Variants in PALM observed in about 807,000 individuals in gnomAD.
The protein encoded by PALM is paralemmin.
Under a neutral mutation model 30.7 loss-of-function variants are expected in PALM, and 18 were observed. The observed-to-expected ratio is 0.59, with a 90% CI of 0.41 to 0.87. The LOEUF (loss-of-function observed/expected upper bound fraction) is 0.87. Among genes scored for constraint, PALM ranks in the 40% least tolerant of loss-of-function variants. The pLI is 0.00. For synonymous variants in PALM, 286 were observed against 242.8 expected (o/e 1.18, Z -1.66); for missense variants, 529 against 555.4 (o/e 0.95, Z 0.48).
intron 1 of PALM, chr19:719,609 CTGAGCT>C: frequency 1.2e-5 from 12 of 986,604 alleles, no homozygotes; most frequent in Non-Finnish European, 1.4e-5. Flanking sequence ...CGCCGCCGCC[CTGAGCT>C]TTTCCACGCC....
At chr19:711,200 T>C in intron 1 of PALM, 1 of 984,360 alleles carries the variant, frequency 1.0e-6, no homozygotes, top group Non-Finnish European at 1.2e-6. Context: ...GCTGCCAAGG[T>C]GAGGAGAACG....
At chr19:723,613 A>ACGGAGT (rs1209153300) in intron 1 of PALM, among the ~76,000 whole-genome samples, 1 of 146,418 alleles carries the variant, frequency 6.8e-6, no homozygotes, top group Non-Finnish European at 1.5e-5. Context: ...TTTGTTTTTG[A>ACGGAGT]CGGAGTCTCG....
In PALM at chr19:742,584, G is replaced by A. The variant is rs192382192; in HGVS notation, c.634+2101G>A. Among the ~76,000 whole-genome samples the A allele has an allele frequency of 6.8e-4, 101 of 148,250 alleles. No individual in the cohort carries two copies. The highest frequency in any genetic ancestry group is 1.3e-3 in the Non-Finnish European group (87 of 67,366). On this transcript the variant is annotated intron_variant, in intron 8 of 8. Coordinates refer to ENST00000338448, the MANE Select transcript of PALM (RefSeq NM_002579.3). This position sits in a 1 kb window ranked among gnomAD's most constrained non-coding sequence, Gnocchi z 5.5. ...CGCGCCACTGCTCTCCAGCCTGTGC[G>A]ACAAGAGTGAAACTCTGTCTCAAAA...
At chr19:728,944 C>A (rs2032780507) in intron 4 of PALM, among the ~76,000 whole-genome samples, 1 of 151,996 alleles carries the variant, frequency 6.6e-6, no homozygotes. Context: ...GCGGAGCTTG[C>A]AGTGAGCCAA....
In PALM at chr19:742,701, A is replaced by G. The variant is rs1401298593; in HGVS notation, c.634+2218A>G. ...TCTCTCACTGGGCGTGACGTCCCCA[A>G]GGTGCATCGGCACTGTGGCCTGGGT... is the stretch of plus-strand genomic sequence containing the variant. On this transcript the variant is annotated intron_variant, in intron 8 of 8. Coordinates refer to ENST00000338448, the MANE Select transcript of PALM (RefSeq NM_002579.3). The surrounding 1 kb of genome is among the most constrained non-coding windows in gnomAD (Gnocchi z 5.5). Among the ~76,000 whole-genome samples the G allele has an allele frequency of 6.6e-6, 1 of 152,000 alleles. No homozygotes were observed. Among genetic ancestry groups the G allele is most frequent in the Admixed American group, 6.6e-5 (1 of 15,260 alleles).
intron 5 of PALM, among the ~76,000 whole-genome samples, chr19:732,773 C>G (rs565607982): frequency 6.6e-6 from 1 of 151,846 alleles, no homozygotes; most frequent in African/African-American, 2.4e-5. Context: ...GTATTGGGGA[C>G]CACCCAGGGA....
At chr19:738,690 G>A (rs907537126) in intron 7 of PALM, among the ~76,000 whole-genome samples, 2 of 152,164 alleles carry the variant, frequency 1.3e-5, no homozygotes, top group East Asian at 1.9e-4. Flanking sequence ...GGATGGGTGT[G>A]CGGGAGATTA....
At chr19:735,996 C>G in intron 6 of PALM, 23 bp from the exon 7 acceptor site, 1 of 1,602,162 alleles carries the variant, frequency 6.2e-7, no homozygotes, top group Non-Finnish European at 8.5e-7. Flanking sequence ...TCATCTCTCT[C>G]TCCGCTTCCA....
Position 748,083 on chromosome 19 carries a change from C to G in PALM, c.*1269C>G. The stretch of plus-strand genomic sequence containing the variant: ...GGCAGGGCAGGTACAGGGGCCACCT[C>G]GGATGGGAGCCTGGGTCCCTGCCTC... On this transcript the variant is annotated 3_prime_UTR_variant, in exon 9 of 9. Transcript: ENST00000338448. The G allele has an allele frequency of 6.6e-6, 1 of 152,370 alleles. No homozygotes were observed. The highest frequency in any genetic ancestry group is 2.1e-4 in the South Asian group (1 of 4,838). The allele number at this position is 152,370 out of a possible 1,614,324, so 9.4% of individuals were successfully genotyped here. A position where few individuals can be genotyped will look rare whatever the true frequency, so the allele number is the denominator to read the frequency against.
At chr19:724,548 T>G (rs1255434759) in intron 1 of PALM, among the ~76,000 whole-genome samples, 1 of 151,988 alleles carries the variant, frequency 6.6e-6, no homozygotes, top group African/African-American at 2.4e-5. Context: ...CTAGAACTCC[T>G]GACCTCAGGT....
intron 1 of PALM, among the ~76,000 whole-genome samples, chr19:717,809 G>A (rs1034756714): frequency 1.3e-5 from 2 of 152,098 alleles, no homozygotes; most frequent in African/African-American, 4.8e-5. Context: ...GACCCTAATC[G>A]ACTCCCTGGG....
chr19:737,779 G>A (rs1400422908), intron 7 of PALM, among the ~76,000 whole-genome samples: 2 of 152,128 alleles, frequency 1.3e-5, no homozygotes, highest in African/African-American at 2.4e-5. Flanking sequence ...CTGGAGCAGC[G>A]TGAGGAGGGG....
chr19:736,902 A>G (rs552578715), intron 7 of PALM, among the ~76,000 whole-genome samples: 1 of 152,228 alleles, frequency 6.6e-6, no homozygotes, highest in Admixed American at 6.5e-5. Flanking sequence ...AAAATACAAA[A>G]ATTAGCCGGG....
Position 734,183 on chromosome 19 carries a change from G to A in PALM, c.431G>A (p.Gly144Asp). Residue 144 changes from glycine to aspartate, a missense_variant, in exon 6 of 9, where the codon GGC becomes GAC. Gly to Asp is a moderately conservative substitution (Grantham distance 94, BLOSUM62 -1). Transcript: ENST00000338448. ...TCTTCTTTCTTGCAGACGCCGGTGGGCACGCCCAAAGGTAGGACCTCTGGA... is the reference window on the plus strand; with the variant it reads ...TCTTCTTTCTTGCAGACGCCGGTGGACACGCCCAAAGGTAGGACCTCTGGA... The part of the protein sequence containing the change: ...VVMNSQQTPV[G>D]TPKDKRVSNT... 2.5e-6 allele frequency: 4 copies of A among 1,613,798 alleles called. No individual in the cohort carries two copies. Among genetic ancestry groups the A allele is most frequent in the Non-Finnish European group, 3.4e-6 (4 of 1,179,858 alleles).
At chr19:743,820 A>G (rs546086709) in intron 8 of PALM, among the ~76,000 whole-genome samples, 100 of 152,216 alleles carry the variant, frequency 6.6e-4, no homozygotes, top group Non-Finnish European at 6.9e-4. Flanking sequence ...TCAGAGACAC[A>G]CAGATAAGGA....
chr19:730,778 T>C (rs934176174), intron 4 of PALM, among the ~76,000 whole-genome samples: 1 of 152,088 alleles, frequency 6.6e-6, no homozygotes, highest in Non-Finnish European at 1.5e-5. Flanking sequence ...GGCGGGCAGA[T>C]CACCTGAGGT....
At chr19:729,194 C>T (rs546080465) in intron 4 of PALM, among the ~76,000 whole-genome samples, 2 of 150,746 alleles carry the variant, frequency 1.3e-5, no homozygotes, top group Non-Finnish European at 3.0e-5. Flanking sequence ...GGATTAGTGG[C>T]GGGCGCCTGT....
intron 1 of PALM, among the ~76,000 whole-genome samples, chr19:725,543 A>G (rs2032632522): frequency 6.6e-6 from 1 of 152,178 alleles, no homozygotes; most frequent in Non-Finnish European, 1.5e-5. Flanking sequence ...CCTGGGAGAC[A>G]GCAAGACTCC....
In PALM at chr19:709,075, T is replaced by A; in HGVS notation, c.-72T>A. ...CCCGCCAGGCCGCGTCCCCCTCCCCTCCCCTCCCCCGCGCGCCACCCGCGC... is the reference window on the plus strand; with the variant it reads ...CCCGCCAGGCCGCGTCCCCCTCCCCACCCCTCCCCCGCGCGCCACCCGCGC... On this transcript the variant is annotated 5_prime_UTR_variant, in exon 1 of 9. Transcript: ENST00000338448. This position sits in a 1 kb window ranked among gnomAD's most constrained non-coding sequence, Gnocchi z 4.3. 2 of 217,848 alleles carry A rather than the reference T, an allele frequency of 9.2e-6. No homozygotes were observed. The highest frequency in any genetic ancestry group is 2.5e-5 in the African/African-American group (1 of 39,834). The allele number at this position is 217,848 out of a possible 1,614,324, so 13.5% of individuals were successfully genotyped here.
Sources: gnomAD v4.1 joint callset for allele counts (sites outside exome capture counted in the v4.1 genomes callset) on GRCh38, gnomAD v4.1.1 for gene constraint, Gnocchi (gnomAD v3.1) non-coding constraint, MANE v1.5 for transcripts, NCBI Gene and HGNC (gene_info 2026-07-23, HGNC 2026-07-21) for gene names.